Variants in NRG3 observed in about 807,000 individuals in gnomAD.
NRG3 encodes pro-neuregulin-3, membrane-bound isoform.
A neutral mutation model predicts 66.9 loss-of-function variants in NRG3; 31 were observed. The observed-to-expected ratio is 0.46, with a 90% CI of 0.35 to 0.63. The LOEUF (loss-of-function observed/expected upper bound fraction) is 0.63. Ranked by LOEUF, NRG3 falls within the 20% of genes least tolerant of loss-of-function variation. The pLI, the probability that NRG3 is intolerant of heterozygous loss-of-function variation, is 0.00. For missense variants in NRG3, 910 were observed against 878.9 expected (o/e 1.04, Z -0.45); for synonymous variants, 393 against 359.4 (o/e 1.09, Z -1.06).
intron 2 of NRG3, among the ~76,000 whole-genome samples, chr10:82,640,833 A>G (rs1565156190): frequency 6.6e-6 from 1 of 152,152 alleles, no homozygotes; most frequent in Admixed American, 6.5e-5. Context: ...CATAAACTAA[A>G]TGAAATAATG....
chr10:82,675,342 C>A (rs1286577568), intron 2 of NRG3, among the ~76,000 whole-genome samples: 3 of 152,040 alleles, frequency 2.0e-5, no homozygotes, highest in African/African-American at 7.2e-5. Context: ...GGGGTGAAGT[C>A]ATAGGGTTAT....
chr10:82,843,338 C>A, intron 3 of NRG3: 1 of 405,308 alleles, frequency 2.5e-6, no homozygotes, highest in South Asian at 1.8e-5. Flanking sequence ...CTCTCTGATC[C>A]TCTCTGCCCT....
At position 82,098,060 on chromosome 10, in the gene NRG3, C is replaced by T. The variant is rs910126207; in HGVS notation, c.823+221897C>T. On this transcript the variant is annotated intron_variant, in intron 1 of 8. Transcript: ENST00000372141. ...ATGTAGTCTGCCACATATATACACA[C>T]ACACACACACACACACACACACACA... Among the ~76,000 whole-genome samples, 713 of 111,564 alleles carry T rather than the reference C, an allele frequency of 6.4e-3. 10 individuals carry two copies. Among genetic ancestry groups the T allele is most frequent in the East Asian group, 0.031 (93 of 2,974 alleles). 73.2% of individuals were successfully genotyped at this position (111,564 alleles called of 152,430 possible).
intron 1 of NRG3, among the ~76,000 whole-genome samples, chr10:81,980,549 A>G (rs2060296867): frequency 6.6e-6 from 1 of 152,228 alleles, no homozygotes; most frequent in Non-Finnish European, 1.5e-5. Flanking sequence ...TATTTTAAGG[A>G]GAGGGGCAAG....
intron 1 of NRG3, among the ~76,000 whole-genome samples, chr10:82,106,299 A>G (rs2067057374): frequency 6.6e-6 from 1 of 152,158 alleles, no homozygotes; most frequent in Non-Finnish European, 1.5e-5. Context: ...TTCCTCCACC[A>G]GTGTTGCTGA....
At chr10:82,196,849 A>C (rs1162273733) in intron 1 of NRG3, among the ~76,000 whole-genome samples, 1 of 152,160 alleles carries the variant, frequency 6.6e-6, no homozygotes, top group East Asian at 1.9e-4. Context: ...TCAGATCTTA[A>C]GACAATCCCT....
chr10:82,522,880 T>C (rs1430790209), intron 2 of NRG3, among the ~76,000 whole-genome samples: 1 of 152,198 alleles, frequency 6.6e-6, no homozygotes, highest in Admixed American at 6.5e-5. Context: ...ACATTTTTGC[T>C]ACTCAGAAAG....
chr10:82,574,013 T>G (rs536508564), intron 2 of NRG3, among the ~76,000 whole-genome samples: 1 of 151,844 alleles, frequency 6.6e-6, no homozygotes, highest in South Asian at 2.1e-4. Context: ...TACAATATGA[T>G]CCAACCAATC....
At chr10:82,545,377 A>ATTTTTT (rs745968047) in intron 2 of NRG3, among the ~76,000 whole-genome samples, 1 of 130,986 alleles carries the variant, frequency 7.6e-6, no homozygotes, top group African/African-American at 3.0e-5. Flanking sequence ...TGCTAATAGC[A>ATTTTTT]TTTTTTTTTT....
At chr10:82,511,886 T>C (rs1286854677) in intron 2 of NRG3, among the ~76,000 whole-genome samples, 1 of 152,136 alleles carries the variant, frequency 6.6e-6, no homozygotes, top group African/African-American at 2.4e-5. Flanking sequence ...CCTTCAACTT[T>C]TCATTGTAAG....
At chr10:82,212,348 G>A (rs1367134148) in intron 1 of NRG3, among the ~76,000 whole-genome samples, 7 of 152,162 alleles carry the variant, frequency 4.6e-5, no homozygotes, top group Admixed American at 4.6e-4. Context: ...TATTTGGAAA[G>A]CAAATAGTAG....
At chr10:82,672,007 C>A (rs1157588071) in intron 2 of NRG3, among the ~76,000 whole-genome samples, 1 of 152,172 alleles carries the variant, frequency 6.6e-6, no homozygotes, top group Non-Finnish European at 1.5e-5. Context: ...GGCCTGAACT[C>A]TTCTGTTTTC....
At chr10:81,920,940 AGG>A (rs1242702806) in intron 1 of NRG3, among the ~76,000 whole-genome samples, 1 of 152,132 alleles carries the variant, frequency 6.6e-6, no homozygotes. Flanking sequence ...TGAAAGTGAT[AGG>A]TTGTGGCTAC....
At chr10:82,669,248 GTAATAATAATAATAATAATAATAA>G (rs5786560) in intron 2 of NRG3, among the ~76,000 whole-genome samples, 2 of 143,028 alleles carry the variant, frequency 1.4e-5, no homozygotes, top group Non-Finnish European at 3.0e-5. Flanking sequence ...ATTTATGATG[GTAATAATAATAATAATAATAATAA>G]TAATAATAAT....
At chr10:81,984,486 C>T (rs2133499648) in intron 1 of NRG3, among the ~76,000 whole-genome samples, 1 of 152,238 alleles carries the variant, frequency 6.6e-6, no homozygotes, top group South Asian at 2.1e-4. Context: ...TGTTTTCAGC[C>T]TCACTCCTTC....
chr10:81,929,230 T>C (rs1847105620), intron 1 of NRG3, among the ~76,000 whole-genome samples: 1 of 152,158 alleles, frequency 6.6e-6, no homozygotes, highest in Non-Finnish European at 1.5e-5. Flanking sequence ...TATTTAATTT[T>C]GTGTGCAGAC....
At chr10:82,339,008 T>A (rs2135367910) in intron 1 of NRG3, among the ~76,000 whole-genome samples, 1 of 152,302 alleles carries the variant, frequency 6.6e-6, no homozygotes, top group Middle Eastern at 3.4e-3. Flanking sequence ...ATGAAGAAGA[T>A]GAACAGGGGT....
intron 2 of NRG3, among the ~76,000 whole-genome samples, chr10:82,455,464 G>T (rs1334384463): frequency 2.6e-5 from 4 of 152,076 alleles, no homozygotes; most frequent in African/African-American, 4.8e-5. Context: ...AGGTGAAAAT[G>T]GTACCATTGT....
chr10:82,620,203 G>A (rs1466162875), intron 2 of NRG3, among the ~76,000 whole-genome samples: 1 of 152,150 alleles, frequency 6.6e-6, no homozygotes, highest in African/African-American at 2.4e-5. Context: ...TCAGCTCAGT[G>A]GGCCTCTTGC....
Sources: allele counts gnomAD v4.1 joint callset (sites outside exome capture counted in the v4.1 genomes callset), GRCh38; gene constraint gnomAD v4.1.1; transcripts MANE v1.5; gene names NCBI Gene and HGNC (gene_info 2026-07-23, HGNC 2026-07-21).